TACR3: variants seen among roughly 807,000 people sequenced by gnomAD.
TACR3 encodes the protein neuromedin-K receptor.
A neutral mutation model predicts 35.0 loss-of-function variants in TACR3; 34 were observed. The ratio of observed to expected loss-of-function variants is 0.97; its 90% CI spans 0.74 to 1.30. The LOEUF (loss-of-function observed/expected upper bound fraction) is 1.30. TACR3 is among the 50% of genes most tolerant of loss of function. The probability of loss-of-function intolerance (pLI) is 0.00; values close to 1 mark genes in which losing one functional copy is unlikely to be tolerated. For missense variants in TACR3, 558 were observed against 591.7 expected, an observed-to-expected ratio of 0.94 and a Z score of 0.59; for synonymous variants, 233 against 221.1, an observed-to-expected ratio of 1.05 and a Z score of -0.48.
intron 3 of TACR3, among the ~76,000 whole-genome samples, chr4:103,637,895 C>T (rs545906370): frequency 5.4e-4 from 82 of 152,134 alleles, no homozygotes; most frequent in African/African-American, 1.6e-3. Flanking sequence ...TGTGAAGGAC[C>T]TCTTCAAGGA....
chr4:103,683,288 T>C (rs1444380683), intron 1 of TACR3, among the ~76,000 whole-genome samples: 2 of 151,540 alleles, frequency 1.3e-5, no homozygotes, highest in Admixed American at 6.6e-5. Flanking sequence ...TAAGTTTCCA[T>C]CTGTGAAAAC....
chr4:103,718,311 T>A (rs1251819372), intron 1 of TACR3, among the ~76,000 whole-genome samples: 1 of 152,216 alleles, frequency 6.6e-6, no homozygotes, highest in Non-Finnish European at 1.5e-5. Flanking sequence ...TCAACTGCTA[T>A]TGATTTTCAC....
At chr4:103,685,052 A>G (rs2110212617) in intron 1 of TACR3, among the ~76,000 whole-genome samples, 1 of 151,764 alleles carries the variant, frequency 6.6e-6, no homozygotes, top group African/African-American at 2.4e-5. Context: ...ACTAGTTTAA[A>G]AGCGGAATAG....
chr4:103,654,558 AG>A lies in TACR3; in HGVS notation c.888+1635del, dbSNP rs1265729018. ...CCAGGGACTGTTGTGGGGTGGGGGG[AG>A]GGGGGAGGGATAGCATTAGGAGATA... On this transcript the variant is annotated intron_variant, in intron 3 of 4. Transcript: ENST00000304883. Among the ~76,000 whole-genome samples, 3 of 65,670 alleles carry A rather than the reference AG, an allele frequency of 4.6e-5. No homozygotes were observed. In the East Asian group the frequency reaches 1.6e-3, roughly 35 times the overall value. 43.1% of individuals were successfully genotyped at this position (65,670 alleles called of 152,430 possible). A position where few individuals can be genotyped will look rare whatever the true frequency, so the allele number is the denominator to read the frequency against.
At chr4:103,614,089 A>G (rs1227522133) in intron 3 of TACR3, among the ~76,000 whole-genome samples, 1 of 152,200 alleles carries the variant, frequency 6.6e-6, no homozygotes, top group African/African-American at 2.4e-5. Context: ...TTGGTGATGT[A>G]CAATTTAGTC....
intron 3 of TACR3, among the ~76,000 whole-genome samples, chr4:103,627,587 G>C (rs1002023684): frequency 6.6e-6 from 1 of 151,930 alleles, no homozygotes; most frequent in African/African-American, 2.4e-5. Flanking sequence ...TCATCAAGAA[G>C]AGCTAACTAT....
chr4:103,668,302 C>T (rs1725976307), intron 1 of TACR3, among the ~76,000 whole-genome samples: 2 of 152,060 alleles, frequency 1.3e-5, no homozygotes, highest in Admixed American at 6.5e-5. Flanking sequence ...ATCAAGTGTG[C>T]AATAGCATTA....
chr4:103,670,911 G>C (rs1233893219), intron 1 of TACR3, among the ~76,000 whole-genome samples: 1 of 151,972 alleles, frequency 6.6e-6, no homozygotes. Flanking sequence ...AGAAAAGGCT[G>C]TCAGTTTTTC....
At chr4:103,602,157 C>T (rs1003742762) in intron 3 of TACR3, among the ~76,000 whole-genome samples, 2 of 152,176 alleles carry the variant, frequency 1.3e-5, no homozygotes, top group African/African-American at 4.8e-5. Context: ...CACTGATACC[C>T]TTTCTTCCAG....
intron 1 of TACR3, among the ~76,000 whole-genome samples, chr4:103,661,752 G>A (rs988258572): frequency 2.0e-5 from 3 of 152,022 alleles, no homozygotes; most frequent in African/African-American, 7.2e-5. Flanking sequence ...ATCAGTTTAT[G>A]TTCTCATGAA....
chr4:103,644,930 A>G (rs1372476034), intron 3 of TACR3, among the ~76,000 whole-genome samples: 1 of 151,816 alleles, frequency 6.6e-6, no homozygotes, highest in African/African-American at 2.4e-5. Flanking sequence ...AAATAGGTAA[A>G]CCACAATTGC....
intron 3 of TACR3, among the ~76,000 whole-genome samples, chr4:103,648,827 G>C (rs1023241320): frequency 6.6e-6 from 1 of 152,026 alleles, no homozygotes; most frequent in Non-Finnish European, 1.5e-5. Context: ...TGGATTATAT[G>C]GTAGTGCTAT....
chr4:103,690,480 A>G (rs1722378660), intron 1 of TACR3, among the ~76,000 whole-genome samples: 1 of 152,132 alleles, frequency 6.6e-6, no homozygotes, highest in Non-Finnish European at 1.5e-5. Context: ...GACCTTCAAT[A>G]TACGTCAATA....
chr4:103,650,848 TAATATATATATCTCATATATAATA>T (rs1725598301), intron 3 of TACR3, among the ~76,000 whole-genome samples: 4 of 55,990 alleles, frequency 7.1e-5, no homozygotes, highest in African/African-American at 1.0e-4. Context: ...TTATATATAA[TAATATATATATCTCATATATAATA>T]ATATATATAT....
At chr4:103,624,580 T>G (rs1465275987) in intron 3 of TACR3, 1 of 152,162 alleles carries the variant, frequency 6.6e-6, no homozygotes, top group Non-Finnish European at 1.5e-5. Flanking sequence ...AATTTACAAC[T>G]TAAGCAAAGT....
intron 1 of TACR3, among the ~76,000 whole-genome samples, chr4:103,674,558 CTT>C (rs1235975914): frequency 1.3e-5 from 2 of 152,046 alleles, no homozygotes; most frequent in Non-Finnish European, 2.9e-5. Context: ...ACATTTTTCT[CTT>C]GTTTTGTTTT....
rs1351716477 is a variant in TACR3, at chr4:103,719,703, C to G, written c.-28G>C. 2.5e-6 allele frequency: 4 copies of G among 1,603,764 alleles called. No individual in the cohort carries two copies. On this transcript the variant is annotated 5_prime_UTR_variant, in exon 1 of 5. Coordinates refer to ENST00000304883, the MANE Select transcript of TACR3 (RefSeq NM_001059.3). ...CCACCGGTCTGCAGTCCCGGACCCT[C>G]CCACTCACCCACGGGCAGCCCAAGA...
chr4:103,703,246 A>G (rs1722703077), intron 1 of TACR3, among the ~76,000 whole-genome samples: 1 of 152,138 alleles, frequency 6.6e-6, no homozygotes, highest in African/African-American at 2.4e-5. Context: ...ATATAACATA[A>G]AGTTTGCCAT....
intron 1 of TACR3, among the ~76,000 whole-genome samples, chr4:103,702,409 T>C (rs1404648067): frequency 1.3e-5 from 2 of 152,170 alleles, no homozygotes; most frequent in Non-Finnish European, 2.9e-5. Context: ...CAACAGGTGC[T>C]GGAGGGAATA....
Sources: allele counts gnomAD v4.1 joint callset (sites outside exome capture counted in the v4.1 genomes callset), GRCh38; gene constraint gnomAD v4.1.1; transcripts MANE v1.5; gene names NCBI Gene and HGNC (gene_info 2026-07-23, HGNC 2026-07-21).